PLEKHG4B: variants seen among roughly 807,000 people sequenced by gnomAD.
The protein encoded by PLEKHG4B is pleckstrin homology domain-containing family G member 4B.
Under a neutral mutation model 121.3 loss-of-function variants are expected in PLEKHG4B, and 111 were observed. The ratio of observed to expected loss-of-function variants is 0.92; its 90% CI spans 0.78 to 1.07. The LOEUF is 1.07. PLEKHG4B is among the 50% of genes least tolerant of loss of function. The pLI, the probability that PLEKHG4B is intolerant of heterozygous loss-of-function variation, is 0.00. For missense variants in PLEKHG4B, 1,831 were observed against 1,757.8 expected, an observed-to-expected ratio of 1.04 and a Z score of -0.74; for synonymous variants, 738 against 725.0, an observed-to-expected ratio of 1.02 and a Z score of -0.29.
At chr5:154,106 A>G (rs968776985) in intron 7 of PLEKHG4B, among the ~76,000 whole-genome samples, 2 of 152,022 alleles carry the variant, frequency 1.3e-5, no homozygotes, top group Admixed American at 6.5e-5. Context: ...CCTGGGTTCA[A>G]GCAATTCTCC....
At chr5:99,274 G>A (rs1247159197) in intron 1 of PLEKHG4B, among the ~76,000 whole-genome samples, 1 of 146,542 alleles carries the variant, frequency 6.8e-6, no homozygotes, top group African/African-American at 2.5e-5. Flanking sequence ...TTTCATTTCT[G>A]CAAGAAAGAC....
At chr5:148,708 G>A (rs532489599) in intron 6 of PLEKHG4B, among the ~76,000 whole-genome samples, 5 of 152,104 alleles carry the variant, frequency 3.3e-5, no homozygotes, top group African/African-American at 7.2e-5. Context: ...GTTTCTTGCC[G>A]AAATAGGAAA....
intron 6 of PLEKHG4B, among the ~76,000 whole-genome samples, chr5:148,934 T>C (rs1735515635): frequency 6.6e-6 from 1 of 152,210 alleles, no homozygotes; most frequent in Admixed American, 6.5e-5. Context: ...ACATAAATGA[T>C]TTTTGAAAAG....
chr5:102,947 A>G (rs1210378809), intron 1 of PLEKHG4B, among the ~76,000 whole-genome samples: 1 of 152,090 alleles, frequency 6.6e-6, no homozygotes, highest in Non-Finnish European at 1.5e-5. Flanking sequence ...GGTTATGGTA[A>G]GCAAATCTGT....
At position 126,640 on chromosome 5, in the gene PLEKHG4B, CAG is replaced by C. The variant is rs1734621835; in HGVS notation, c.244-12841_244-12840del. Among the ~76,000 whole-genome samples the C allele has an allele frequency of 2.6e-5, 4 of 152,282 alleles. No individual in the cohort carries two copies. In the South Asian group the frequency reaches 8.3e-4, roughly 32 times the overall value. ...CTAATTATGTGACACCTCTGCAAAG[CAG>C]ACTTTCCCCCTCCCTTGGGGTTTGC... On this transcript the variant is annotated intron_variant, in intron 2 of 19. Transcript: ENST00000637938.
Position 161,939 on chromosome 5 carries a change from GAGAC to G in PLEKHG4B, c.2645_2648del (p.Glu882GlyfsTer2). 6.2e-7 allele frequency: 1 copy of G among 1,607,024 alleles called. No individual in the cohort carries two copies. Among genetic ancestry groups the G allele is most frequent in the South Asian group, 1.1e-5 (1 of 90,840 alleles). On this transcript the variant is annotated frameshift_variant and splice_region_variant, in exon 12 of 20. Coordinates refer to ENST00000637938, the MANE Select transcript of PLEKHG4B (RefSeq NM_052909.5). LOFTEE classifies it high-confidence loss of function. The stretch of plus-strand genomic sequence containing the variant: ...GTGGACCCGCTCGTCCGAGTTGTGC[GAGAC>G]GGTAAGAGACCCAGTGGGCGTGCGT...
chr5:93,080 A>G (rs1168060234), intron 1 of PLEKHG4B, among the ~76,000 whole-genome samples: 1 of 152,150 alleles, frequency 6.6e-6, no homozygotes. Context: ...ACCCAACAGC[A>G]CTTTTGCCTA....
chr5:104,328 A>C (rs934913325), intron 1 of PLEKHG4B, among the ~76,000 whole-genome samples: 4 of 152,252 alleles, frequency 2.6e-5, no homozygotes, highest in Non-Finnish European at 4.4e-5. Context: ...ACTCACTCAC[A>C]GATGTGCATG....
chr5:105,217 G>GGTGGAAA (rs1553980866), intron 1 of PLEKHG4B, among the ~76,000 whole-genome samples: 1 of 152,238 alleles, frequency 6.6e-6, no homozygotes, highest in African/African-American at 2.4e-5. Flanking sequence ...CTGTCTTGAA[G>GGTGGAAA]ACTTCTCCAT....
At chr5:172,585 G>C (rs1268806880) in intron 16 of PLEKHG4B, among the ~76,000 whole-genome samples, 1 of 152,236 alleles carries the variant, frequency 6.6e-6, no homozygotes, top group Non-Finnish European at 1.5e-5. Context: ...AACGGGGGCC[G>C]GGGTGGGGGT....
intron 1 of PLEKHG4B, among the ~76,000 whole-genome samples, chr5:92,956 A>G (rs1172594848): frequency 6.6e-6 from 1 of 152,032 alleles, no homozygotes; most frequent in African/African-American, 2.4e-5. Flanking sequence ...AGAGTGATAA[A>G]GCTGTTTTCA....
chr5:99,168 G>GTGTA (rs1733722086), intron 1 of PLEKHG4B, among the ~76,000 whole-genome samples: 1 of 45,118 alleles, frequency 2.2e-5, no homozygotes, highest in Non-Finnish European at 3.8e-5. Flanking sequence ...AAAAAAAAAA[G>GTGTA]TGTATATATA....
rs1206731184 is a variant in PLEKHG4B, at chr5:139,429, A to G, written c.244-54A>G. On this transcript the variant is annotated intron_variant, in intron 2 of 19. Transcript: ENST00000637938. This position sits in a 1 kb window ranked among gnomAD's most constrained non-coding sequence, Gnocchi z 5.0. ...GAGGGGTGGAGACCCAGGGCATGGA[A>G]GGGCTCAGGACATGGCCGTGCCCAC... 3 of 398,710 alleles carry G rather than the reference A, an allele frequency of 7.5e-6. No individual in the cohort carries two copies. Among genetic ancestry groups the G allele is most frequent in the Non-Finnish European group, 1.3e-5 (3 of 226,160 alleles). The allele number at this position is 398,710 out of a possible 1,614,324, so 24.7% of individuals were successfully genotyped here.
intron 1 of PLEKHG4B, among the ~76,000 whole-genome samples, chr5:99,110 C>G (rs1430246845): frequency 1.4e-5 from 2 of 141,742 alleles, no homozygotes; most frequent in East Asian, 4.1e-4. Context: ...GAGCCGAGAT[C>G]GCGCCATTGC....
chr5:113,233 TTCTC>T lies in PLEKHG4B; in HGVS notation c.46-14_46-11del. ...GAGTTATGTCCCTAAAGTTTCTGAA[TTCTC>T]TCTTTCATTTCAGGATCTGGAATCT... On this transcript the variant is annotated splice_polypyrimidine_tract_variant and intron_variant, in intron 1 of 19. Transcript: ENST00000637938. The surrounding 1 kb of genome is among the most constrained non-coding windows in gnomAD (Gnocchi z 5.2). The T allele has an allele frequency of 2.5e-6, 1 of 399,182 alleles. No individual in the cohort carries two copies. Among genetic ancestry groups the T allele is most frequent in the Non-Finnish European group, 4.4e-6 (1 of 226,154 alleles). The allele number at this position is 399,182 out of a possible 1,614,324, so 24.7% of individuals were successfully genotyped here. A position where few individuals can be genotyped will look rare whatever the true frequency, so the allele number is the denominator to read the frequency against.
chr5:95,937 G>T (rs78480572), intron 1 of PLEKHG4B, among the ~76,000 whole-genome samples: 1,546 of 152,314 alleles, frequency 0.01, 36 homozygotes, highest in African/African-American at 0.035. Flanking sequence ...TCTAGTGCAG[G>T]AGGTATAGTT....
chr5:93,776 G>A (rs993585086), intron 1 of PLEKHG4B, among the ~76,000 whole-genome samples: 1 of 152,080 alleles, frequency 6.6e-6, no homozygotes, highest in African/African-American at 2.4e-5. Context: ...TGGTCTCAAA[G>A]GAATTCTTCG....
intron 6 of PLEKHG4B, among the ~76,000 whole-genome samples, chr5:149,118 A>T (rs1449621819): frequency 6.6e-6 from 1 of 152,264 alleles, no homozygotes; most frequent in Non-Finnish European, 1.5e-5. Flanking sequence ...TAAAACGTTT[A>T]GAAGACAACA....
In PLEKHG4B at chr5:147,128, G is replaced by A. The variant is rs139868956; in HGVS notation, c.1905+2208G>A. On this transcript the variant is annotated intron_variant, in intron 6 of 19. Coordinates refer to ENST00000637938, the MANE Select transcript of PLEKHG4B (RefSeq NM_052909.5). ...GGGCTGAGGTGACTCCCTGAGGTCA[G>A]GAAGGAGTCACTGGGAGGAGAGAGC... 1.9e-4 allele frequency among the ~76,000 whole-genome samples: 29 copies of A among 152,348 alleles called. 1 individual carries two copies. The highest frequency in any genetic ancestry group is 3.9e-4 in the Admixed American group (6 of 15,306).
Sources: allele counts gnomAD v4.1 joint callset (sites outside exome capture counted in the v4.1 genomes callset), GRCh38; gene constraint gnomAD v4.1.1; non-coding constraint Gnocchi (gnomAD v3.1); transcripts MANE v1.5; gene names NCBI Gene and HGNC (gene_info 2026-07-23, HGNC 2026-07-21).